ASIC2: variants seen among roughly 807,000 people sequenced by gnomAD.
ASIC2 encodes acid sensing ion channel subunit 2, also known as acid-sensing ion channel 2.
A neutral mutation model predicts 57.3 loss-of-function variants in ASIC2; 25 were observed. The ratio of observed to expected loss-of-function variants is 0.44; its 90% CI spans 0.32 to 0.61. ASIC2 has a LOEUF of 0.61. ASIC2 is among the 20% of genes least tolerant of loss of function. The pLI is 0.06. For missense variants in ASIC2, 641 were observed against 738.1 expected (o/e 0.87, Z 1.52); for synonymous variants, 319 against 307.5 (o/e 1.04, Z -0.39).
intron 1 of ASIC2, among the ~76,000 whole-genome samples, chr17:33,442,732 T>TC (rs1456843562): frequency 6.6e-6 from 1 of 152,174 alleles, no homozygotes; most frequent in Non-Finnish European, 1.5e-5. Context: ...AAAGACAGTT[T>TC]TTTTTTCTCT....
chr17:33,158,006 T>C (rs538945697), intron 1 of ASIC2, among the ~76,000 whole-genome samples: 2 of 152,222 alleles, frequency 1.3e-5, no homozygotes, highest in Non-Finnish European at 2.9e-5. Context: ...AGCATTGACA[T>C]GGCTTTCTGC....
chr17:33,671,852 G>A (rs187102622), intron 1 of ASIC2, among the ~76,000 whole-genome samples: 121 of 152,110 alleles, frequency 8.0e-4, no homozygotes, highest in African/African-American at 2.7e-3. Context: ...ATTCTTTAAC[G>A]CTAATGAAAC....
chr17:33,716,614 C>T (rs563198095), intron 1 of ASIC2, among the ~76,000 whole-genome samples: 12 of 152,214 alleles, frequency 7.9e-5, no homozygotes, highest in African/African-American at 2.9e-4. Flanking sequence ...CCTAAAGAGG[C>T]CTCCCATGAC....
intron 1 of ASIC2, among the ~76,000 whole-genome samples, chr17:33,920,182 A>G (rs1196996289): frequency 2.6e-5 from 4 of 152,192 alleles, no homozygotes; most frequent in Non-Finnish European, 5.9e-5. Context: ...GAAAATAAAC[A>G]GTTATTATAT....
intron 1 of ASIC2, among the ~76,000 whole-genome samples, chr17:33,226,442 C>A (rs186988140): frequency 4.6e-5 from 7 of 152,300 alleles, no homozygotes; most frequent in African/African-American, 1.4e-4. Context: ...TATAACATAG[C>A]TAAAATTATA....
chr17:33,606,832 C>G (rs1255097069), intron 1 of ASIC2, among the ~76,000 whole-genome samples: 1 of 152,196 alleles, frequency 6.6e-6, no homozygotes, highest in Non-Finnish European at 1.5e-5. Context: ...AGAACTCCAA[C>G]CCAGGGTCTG....
At chr17:33,116,344 G>A (rs1161907063) in intron 1 of ASIC2, among the ~76,000 whole-genome samples, 1 of 152,202 alleles carries the variant, frequency 6.6e-6, no homozygotes, top group Non-Finnish European at 1.5e-5. Context: ...GCATTTTGGG[G>A]CACCATGACG....
chr17:33,652,434 C>T lies in ASIC2; in HGVS notation c.555+503544G>A, dbSNP rs575058234. On this transcript the variant is annotated intron_variant, in intron 1 of 9. Transcript: ENST00000359872. Reference sequence around the variant, plus strand: ...GGTATGTTTTTAAGCACTTTATATACATGATCTTATTCAATCCTCGCAATA... The same window carrying T: ...GGTATGTTTTTAAGCACTTTATATATATGATCTTATTCAATCCTCGCAATA... 2.6e-5 allele frequency among the ~76,000 whole-genome samples: 4 copies of T among 152,332 alleles called. No individual in the cohort carries two copies. In the East Asian group the frequency reaches 5.8e-4, roughly 22 times the overall value.
At chr17:33,865,656 C>T (rs1430302910) in intron 1 of ASIC2, among the ~76,000 whole-genome samples, 2 of 149,666 alleles carry the variant, frequency 1.3e-5, no homozygotes, top group Admixed American at 1.3e-4. Flanking sequence ...CTAGATGACA[C>T]ATTAGTGGGT....
chr17:33,925,829 C>T (rs1025644427), intron 1 of ASIC2, among the ~76,000 whole-genome samples: 4 of 152,352 alleles, frequency 2.6e-5, no homozygotes, highest in East Asian at 1.9e-4. Flanking sequence ...TTCCACCCTG[C>T]TCTACCCAAG....
chr17:33,359,011 G>A (rs1567834724), intron 1 of ASIC2, among the ~76,000 whole-genome samples: 1 of 152,212 alleles, frequency 6.6e-6, no homozygotes, highest in African/African-American at 2.4e-5. Flanking sequence ...AGAAGGTGGG[G>A]AGCCTCTTTG....
At position 34,097,920 on chromosome 17, in the gene ASIC2, C is replaced by A. The variant is rs555928861; in HGVS notation, c.555+58058G>T. ...CACCAATATGTGGTGGACCTTTGCT[C>A]GGCTGCCCACTATGGGAGTAGTTCT... On this transcript the variant is annotated intron_variant, in intron 1 of 9. Transcript: ENST00000359872. Among the ~76,000 whole-genome samples the A allele has an allele frequency of 2.6e-5, 4 of 152,188 alleles. No individual in the cohort carries two copies. The South Asian group carries it at 6.2e-4, about 24-fold the overall frequency.
intron 3 of ASIC2, among the ~76,000 whole-genome samples, chr17:33,058,678 A>G (rs1205159349): frequency 3.9e-5 from 6 of 151,920 alleles, no homozygotes; most frequent in African/African-American, 9.7e-5. Flanking sequence ...TCTTTTTTAC[A>G]TGAAAATCTT....
chr17:33,399,168 G>A (rs1200112762), intron 1 of ASIC2, among the ~76,000 whole-genome samples: 1 of 152,166 alleles, frequency 6.6e-6, no homozygotes, highest in Non-Finnish European at 1.5e-5. Flanking sequence ...GGTTTCTGAT[G>A]CTTTCCTGGG....
chr17:33,222,728 T>C (rs963476235), intron 1 of ASIC2, among the ~76,000 whole-genome samples: 1 of 152,252 alleles, frequency 6.6e-6, no homozygotes. Context: ...TGGGGATTTG[T>C]AATCTAGTCA....
chr17:33,401,574 C>T (rs566515219), intron 1 of ASIC2, among the ~76,000 whole-genome samples: 2 of 152,274 alleles, frequency 1.3e-5, no homozygotes, highest in Admixed American at 6.5e-5. Flanking sequence ...GTTTCTCTTG[C>T]CCCTAATTGA....
At chr17:33,071,691 G>A (rs1241388079) in intron 3 of ASIC2, among the ~76,000 whole-genome samples, 1 of 152,156 alleles carries the variant, frequency 6.6e-6, no homozygotes, top group Non-Finnish European at 1.5e-5. Context: ...ATATTCTTGA[G>A]CTTTGTTCTG....
chr17:33,628,344 T>C (rs1906052781), intron 1 of ASIC2, among the ~76,000 whole-genome samples: 1 of 151,672 alleles, frequency 6.6e-6, no homozygotes, highest in Non-Finnish European at 1.5e-5. Context: ...CAAGCTGGAG[T>C]ACAGTGGTGT....
chr17:33,594,666 A>T (rs866374843), intron 1 of ASIC2, among the ~76,000 whole-genome samples: 8 of 152,030 alleles, frequency 5.3e-5, no homozygotes, highest in African/African-American at 1.9e-4. Context: ...ATCTCTACTA[A>T]AAATACAAAA....
Sources: allele counts gnomAD v4.1 joint callset (sites outside exome capture counted in the v4.1 genomes callset), GRCh38; gene constraint gnomAD v4.1.1; transcripts MANE v1.5; gene names NCBI Gene and HGNC (gene_info 2026-07-23, HGNC 2026-07-21).